The following MAP3K3 variants were observed in gnomAD, a reference collection of about 807,000 sequenced individuals.
MAP3K3 encodes MAP/ERK kinase kinase 3.
In MAP3K3, 12 loss-of-function variants were observed where a neutral mutation model predicts 80.9. The observed-to-expected ratio is 0.15, with a 90% CI of 0.10 to 0.24. The LOEUF (loss-of-function observed/expected upper bound fraction) is 0.24, where lower values mean the gene tolerates loss of function less well. MAP3K3 is among the 10% of genes least tolerant of loss of function. The pLI, the probability that MAP3K3 is intolerant of heterozygous loss-of-function variation, is 1.00. For synonymous variants in MAP3K3, 272 were observed against 307.1 expected (o/e 0.89, Z 1.19); for missense variants, 596 against 834.7 (o/e 0.71, Z 3.52).
At chr17:63,687,565 C>T (rs2035482353) in intron 8 of MAP3K3, among the ~76,000 whole-genome samples, 1 of 151,906 alleles carries the variant, frequency 6.6e-6, no homozygotes, top group Admixed American at 6.6e-5. Flanking sequence ...TGGCACATGC[C>T]TGTAGTCCCA....
chr17:63,652,006 C>T (rs745540664), intron 3 of MAP3K3, among the ~76,000 whole-genome samples: 1 of 152,182 alleles, frequency 6.6e-6, no homozygotes, highest in African/African-American at 2.4e-5. Flanking sequence ...CGTTTTCTAC[C>T]TTATTTCCTA....
intron 6 of MAP3K3, among the ~76,000 whole-genome samples, chr17:63,675,210 T>C (rs2035192962): frequency 6.6e-6 from 1 of 152,170 alleles, no homozygotes; most frequent in South Asian, 2.1e-4. Context: ...TTCTACAGAG[T>C]GTGGTCCACT....
rs766496256 is a variant in MAP3K3, at chr17:63,689,666, C to T, written c.994C>T (p.Arg332Cys). The change falls in exon 11 of 16, where the codon CGT becomes TGT. Residue 332 changes from arginine to cysteine, a missense_variant. This residue lies in a region of MAP3K3 where 364 missense variants were observed against 588.9 expected (regional missense o/e 0.62). Coordinates refer to ENST00000361733, the MANE Select transcript of MAP3K3 (RefSeq NM_002401.5). The surrounding 1 kb of genome is among the most constrained non-coding windows in gnomAD (Gnocchi z 4.3). ...MGLAVQYLDP[R>C]GRLRSADSEN... ...TCTGGCTGTGCAATACCTGGACCCC[C>T]GTGGGCGCCTGCGGAGTGCGGACAG... 10 of 1,613,742 alleles carry T rather than the reference C, an allele frequency of 6.2e-6. No individual in the cohort carries two copies. The highest frequency in any genetic ancestry group is 1.3e-5 in the African/African-American group (1 of 74,868).
At chr17:63,664,246 CAAA>C (rs60599826) in intron 5 of MAP3K3, among the ~76,000 whole-genome samples, 3,675 of 72,508 alleles carry the variant, frequency 0.051, 76 homozygotes, top group African/African-American at 0.16. Flanking sequence ...GACTCCGTCT[CAAA>C]AAAAAAAAAA....
At chr17:63,679,115 C>A (rs1200172981) in intron 6 of MAP3K3, among the ~76,000 whole-genome samples, 2 of 151,678 alleles carry the variant, frequency 1.3e-5, no homozygotes, top group African/African-American at 2.4e-5. Context: ...AAAAGCAACC[C>A]TCTGGCCAGG....
At position 63,694,810 on chromosome 17, in the gene MAP3K3, T is replaced by G. The variant is rs1311107118; in HGVS notation, c.*1033T>G. 1 of 152,752 alleles carries G rather than the reference T, an allele frequency of 6.5e-6. No individual in the cohort carries two copies. The highest frequency in any genetic ancestry group is 1.5e-5 in the Non-Finnish European group (1 of 68,290). 9.5% of individuals were successfully genotyped at this position (152,752 alleles called of 1,614,324 possible). ...CATCTGGTAGAAGGGAAAGCCCATA[T>G]GCTACCACCAGCTGTGTCCAAAACC... On this transcript the variant is annotated 3_prime_UTR_variant, in exon 16 of 16. Coordinates refer to ENST00000361733, the MANE Select transcript of MAP3K3 (RefSeq NM_002401.5).
chr17:63,653,654 C>G (rs1173168605), intron 4 of MAP3K3, among the ~76,000 whole-genome samples: 1 of 152,060 alleles, frequency 6.6e-6, no homozygotes, highest in Non-Finnish European at 1.5e-5. Context: ...AATTTAAAAT[C>G]CCTCAATTCC....
At chr17:63,675,864 G>T (rs984072070) in intron 6 of MAP3K3, among the ~76,000 whole-genome samples, 6 of 152,236 alleles carry the variant, frequency 3.9e-5, no homozygotes, top group Admixed American at 1.3e-4. Context: ...ATAGCTCTGT[G>T]CTTTGGGCTG....
At chr17:63,676,816 G>C (rs1330707500) in intron 6 of MAP3K3, among the ~76,000 whole-genome samples, 1 of 152,226 alleles carries the variant, frequency 6.6e-6, no homozygotes, top group Non-Finnish European at 1.5e-5. Flanking sequence ...CTGGAGACCA[G>C]GTGTGGGGCC....
At position 63,673,407 on chromosome 17, in the gene MAP3K3, C is replaced by CAA. The variant is rs35537012; in HGVS notation, c.502+6354_502+6355dup. The stretch of plus-strand genomic sequence containing the variant: ...TCATGCTAAACAAAACAGAAACAAA[C>CAA]AAAAAAAACCCTACTAAGTAATGAG... On this transcript the variant is annotated intron_variant, in intron 6 of 15. Coordinates refer to ENST00000361733, the MANE Select transcript of MAP3K3 (RefSeq NM_002401.5). 5.9e-3 allele frequency among the ~76,000 whole-genome samples: 887 copies of CAA among 151,420 alleles called. 8 individuals are homozygous for CAA. Among genetic ancestry groups the CAA allele is most frequent in the African/African-American group, 0.02 (834 of 41,236 alleles).
At position 63,629,160 on chromosome 17, in the gene MAP3K3, G is replaced by C. The variant is rs535904585; in HGVS notation, c.5-3521G>C. On this transcript the variant is annotated intron_variant, in intron 1 of 15. Transcript: ENST00000361733. Reference sequence around the variant, plus strand: ...TTTTTTTGAGATGGAGTCTCGCCCTGTCGCCATGCTGGAGTTCAGTAGCGC... The same window carrying C: ...TTTTTTTGAGATGGAGTCTCGCCCTCTCGCCATGCTGGAGTTCAGTAGCGC... Among the ~76,000 whole-genome samples the C allele has an allele frequency of 2.2e-3, 327 of 151,416 alleles. 5 individuals carry two copies. The highest frequency in any genetic ancestry group is 3.5e-3 in the East Asian group (18 of 5,156).
chr17:63,681,435 A>G (rs1261194944), intron 6 of MAP3K3, among the ~76,000 whole-genome samples: 2 of 152,224 alleles, frequency 1.3e-5, no homozygotes, highest in African/African-American at 4.8e-5. Flanking sequence ...AGAAGGTGAC[A>G]TTATGAAGGA....
intron 6 of MAP3K3, among the ~76,000 whole-genome samples, chr17:63,672,608 G>A (rs778160285): frequency 8.5e-5 from 13 of 152,150 alleles, no homozygotes; most frequent in Non-Finnish European, 1.8e-4. Context: ...CCAGGCGAGA[G>A]TGCCTAAGCA....
In MAP3K3 at chr17:63,692,141, G is replaced by T; in HGVS notation, c.1475-101G>T. 7.4e-7 allele frequency: 1 copy of T among 1,358,378 alleles called. No individual in the cohort carries two copies. The highest frequency in any genetic ancestry group is 1.0e-6 in the Non-Finnish European group (1 of 964,086). 84.1% of individuals were successfully genotyped at this position (1,358,378 alleles called of 1,614,324 possible). On this transcript the variant is annotated intron_variant, in intron 14 of 15. Transcript: ENST00000361733. The surrounding 1 kb of genome is among the most constrained non-coding windows in gnomAD (Gnocchi z 4.5). ...GCAGTTCATGTCTAATTCAGTGGTA[G>T]CCCTGCCCTCTCCAGCAGCTCTCAG...
intron 6 of MAP3K3, among the ~76,000 whole-genome samples, chr17:63,671,034 G>T (rs756497233): frequency 2.0e-5 from 3 of 152,140 alleles, no homozygotes; most frequent in Non-Finnish European, 4.4e-5. Flanking sequence ...ATTGGAGGGG[G>T]CAAGAATGCA....
intron 1 of MAP3K3, among the ~76,000 whole-genome samples, chr17:63,623,534 T>A (rs989735763): frequency 6.6e-6 from 1 of 152,262 alleles, no homozygotes; most frequent in Non-Finnish European, 1.5e-5. Flanking sequence ...AGAATTTCTC[T>A]GAAATCACTT....
At chr17:63,679,476 A>G (rs1175801048) in intron 6 of MAP3K3, among the ~76,000 whole-genome samples, 1 of 152,034 alleles carries the variant, frequency 6.6e-6, no homozygotes. Flanking sequence ...TCCTGGCTCC[A>G]CATGAGCTTT....
intron 4 of MAP3K3, among the ~76,000 whole-genome samples, chr17:63,656,237 A>G (rs2034764894): frequency 6.8e-6 from 1 of 147,482 alleles, no homozygotes; most frequent in Admixed American, 6.7e-5. Context: ...CTCAAAAAAA[A>G]AAATCTTGTA....
intron 8 of MAP3K3, among the ~76,000 whole-genome samples, chr17:63,686,665 A>T (rs1177873988): frequency 6.6e-6 from 1 of 152,216 alleles, no homozygotes; most frequent in African/African-American, 2.4e-5. Flanking sequence ...CAAAAGGCCA[A>T]TAAGCACTCT....
Sources: gnomAD v4.1 joint callset for allele counts (sites outside exome capture counted in the v4.1 genomes callset) on GRCh38, gnomAD v4.1.1 for gene constraint, gnomAD v4.1.1 regional missense constraint, Gnocchi (gnomAD v3.1) non-coding constraint, MANE v1.5 for transcripts, NCBI Gene and HGNC (gene_info 2026-07-23, HGNC 2026-07-21) for gene names.